SMCO2: variants seen among roughly 807,000 people sequenced by gnomAD.
SMCO2 encodes single-pass membrane protein with coiled-coil domains 2, also known as single-pass membrane and coiled-coil domain-containing protein 2.
A neutral mutation model predicts 29.5 loss-of-function variants in SMCO2; 25 were observed. The observed-to-expected ratio is 0.85, with a 90% CI of 0.62 to 1.18. The LOEUF is 1.18. SMCO2 is among the 50% of genes most tolerant of loss of function. SMCO2 has a pLI of 0.00. For synonymous variants in SMCO2, 117 were observed against 123.3 expected, an observed-to-expected ratio of 0.95 and a Z score of 0.34; for missense variants, 348 against 344.5, an observed-to-expected ratio of 1.01 and a Z score of -0.08.
At chr12:27,443,383 T>C in the SMCO2 span, among the ~76,000 whole-genome samples, 1 of 152,132 alleles carries the variant, frequency 6.6e-6, no homozygotes, top group Non-Finnish European at 1.5e-5. Context: ...ATAAAGCCCA[T>C]CTATGACAAA....
chr12:27,483,542 C>T (rs1033882137), intron 4 of SMCO2, among the ~76,000 whole-genome samples: 1 of 151,908 alleles, frequency 6.6e-6, no homozygotes, highest in South Asian at 2.1e-4. Flanking sequence ...CTAAAGCTTC[C>T]TGAGTAGCTG....
chr12:27,435,929 A>G, the SMCO2 span, among the ~76,000 whole-genome samples: 2 of 152,240 alleles, frequency 1.3e-5, no homozygotes, highest in Admixed American at 6.5e-5. Context: ...CAAAAATACC[A>G]TAGACTAGAT....
At chr12:27,423,950 G>A in the SMCO2 span, 1 of 152,144 alleles carries the variant, frequency 6.6e-6, no homozygotes, top group Non-Finnish European at 1.5e-5. Flanking sequence ...AGTGAGATGT[G>A]CTATCAATGT....
chr12:27,472,365 G>T (rs576686131), intron 2 of SMCO2, among the ~76,000 whole-genome samples: 2 of 152,092 alleles, frequency 1.3e-5, no homozygotes, highest in Non-Finnish European at 2.9e-5. Context: ...AGGACAGCTG[G>T]CGGGGTGGAG....
the SMCO2 span, chr12:27,424,455 C>A: frequency 1.3e-5 from 2 of 152,064 alleles, no homozygotes; most frequent in Non-Finnish European, 2.9e-5. Flanking sequence ...GAAACAAAGA[C>A]AAACAGGAAA....
At chr12:27,484,383 A>G (rs1441044098) in intron 4 of SMCO2, among the ~76,000 whole-genome samples, 2 of 152,150 alleles carry the variant, frequency 1.3e-5, no homozygotes, top group African/African-American at 4.8e-5. Flanking sequence ...TCAAAAACAA[A>G]AAACAAAAAC....
chr12:27,490,652 G>C (rs1045076547), intron 5 of SMCO2, among the ~76,000 whole-genome samples: 2 of 152,192 alleles, frequency 1.3e-5, no homozygotes, highest in African/African-American at 4.8e-5. Context: ...ATTGTTGGCT[G>C]AATGTGGTGA....
the SMCO2 span, among the ~76,000 whole-genome samples, chr12:27,434,508 C>T: frequency 6.6e-6 from 1 of 152,122 alleles, no homozygotes; most frequent in Non-Finnish European, 1.5e-5. Flanking sequence ...CAAACAATGA[C>T]CCTCCTTCTG....
At chr12:27,466,024 G>T (rs139719248), upstream of SMCO2, among the ~76,000 whole-genome samples, 31 of 152,264 alleles carry the variant, frequency 2.0e-4, no homozygotes, top group Non-Finnish European at 4.1e-4. Flanking sequence ...CTGAAGTCCT[G>T]GAAGAAGGTG....
chr12:27,475,293 T>C (rs766304581), intron 4 of SMCO2, among the ~76,000 whole-genome samples: 17 of 152,210 alleles, frequency 1.1e-4, no homozygotes, highest in Non-Finnish European at 2.4e-4. Context: ...GTAACCACTA[T>C]CTTAATATCA....
At chr12:27,423,907 G>A in the SMCO2 span, 1 of 152,136 alleles carries the variant, frequency 6.6e-6, no homozygotes, top group South Asian at 2.1e-4. Flanking sequence ...AGCCACATGT[G>A]GCTACTGAGC....
At chr12:27,432,530 C>T in the SMCO2 span, among the ~76,000 whole-genome samples, 1 of 152,002 alleles carries the variant, frequency 6.6e-6, no homozygotes, top group African/African-American at 2.4e-5. Context: ...AAATGGGAGA[C>T]AGAAAAAAAG....
At chr12:27,470,876 A>G (rs1949535760) in intron 2 of SMCO2, 111 bp downstream of exon 2, 4 of 1,214,038 alleles carry the variant, frequency 3.3e-6, no homozygotes, top group Non-Finnish European at 4.5e-6. Context: ...CTAGGTTGAC[A>G]GTCTTCACTA....
chr12:27,463,645 G>T (rs1471530494), upstream of SMCO2, among the ~76,000 whole-genome samples: 2 of 152,182 alleles, frequency 1.3e-5, no homozygotes, highest in Non-Finnish European at 2.9e-5. Flanking sequence ...AGGCTCTGGG[G>T]TCAAATAAGT....
At chr12:27,467,889 G>A (rs1592202297) in intron 1 of SMCO2, among the ~76,000 whole-genome samples, 1 of 152,164 alleles carries the variant, frequency 6.6e-6, no homozygotes, top group Middle Eastern at 3.2e-3. Context: ...AGTGCCTTAT[G>A]AACTGAAAGT....
At chr12:27,450,071 G>A in the SMCO2 span, among the ~76,000 whole-genome samples, 1 of 152,168 alleles carries the variant, frequency 6.6e-6, no homozygotes, top group African/African-American at 2.4e-5. Flanking sequence ...GTGCGGAATG[G>A]ATTCTGTGGG....
chr12:27,477,209 G>GTTTTTTTTTTTTTTTTTTTTT (rs1565676380), intron 4 of SMCO2, among the ~76,000 whole-genome samples: 1 of 134,054 alleles, frequency 7.5e-6, no homozygotes. Flanking sequence ...TTGGCTGTCA[G>GTTTTTTTTTTTTTTTTTTTTT]GTTTTTTTTT....
At chr12:27,424,173 C>T in the SMCO2 span, 2 of 152,068 alleles carry the variant, frequency 1.3e-5, no homozygotes, top group Non-Finnish European at 1.5e-5. Flanking sequence ...TATTGGACAG[C>T]GCTGCTCTAG....
the SMCO2 span, among the ~76,000 whole-genome samples, chr12:27,437,004 G>A: frequency 6.6e-6 from 1 of 152,168 alleles, no homozygotes; most frequent in Admixed American, 6.5e-5. Flanking sequence ...CCCCCTTATG[G>A]GATGTGGTTG....
Sources: gnomAD v4.1 joint callset for allele counts (sites outside exome capture counted in the v4.1 genomes callset) on GRCh38, gnomAD v4.1.1 for gene constraint, MANE v1.5 for transcripts, NCBI Gene and HGNC (gene_info 2026-07-23, HGNC 2026-07-21) for gene names.